FAM117A: variants seen among roughly 807,000 people sequenced by gnomAD.
FAM117A encodes the protein protein FAM117A.
FAM117A carries 21 observed loss-of-function variants against 44.1 expected under a neutral mutation model. That is an observed-to-expected ratio of 0.48 (90% CI 0.34 to 0.69). FAM117A has a LOEUF of 0.69. Ranked by LOEUF, FAM117A falls within the 30% of genes least tolerant of loss-of-function variation. The probability of loss-of-function intolerance (pLI) is 0.01; values close to 1 mark genes in which losing one functional copy is unlikely to be tolerated. For missense variants in FAM117A, 498 were observed against 589.9 expected, an observed-to-expected ratio of 0.84 and a Z score of 1.61; for synonymous variants, 220 against 238.3, an observed-to-expected ratio of 0.92 and a Z score of 0.71.
rs1223287141 is a variant in FAM117A at position 49,717,712 on chromosome 17, G to T, written c.711C>A (p.Ile237=). 6.2e-7 allele frequency: 1 copy of T among 1,601,390 alleles called. No homozygotes were observed. The highest frequency in any genetic ancestry group is 2.2e-5 in the East Asian group (1 of 44,700). Residue 237 remains isoleucine, a splice_region_variant and synonymous_variant, in exon 6 of 8, where the codon ATC becomes ATA. Transcript: ENST00000240364. ...KEQGEEELLR[I]LDIPDGHRAP... is the part of the protein sequence containing the mutation. ...CCCGGTGCCCATCAGGGATATCAAG[G>T]ATCTAACGGGGAAGGACGGTAAAGA...
At chr17:49,766,567 G>A (rs988588376), upstream of FAM117A, among the ~76,000 whole-genome samples, 16 of 152,206 alleles carry the variant, frequency 1.1e-4, no homozygotes, top group Non-Finnish European at 1.6e-4. Context: ...GGTCCTGCCT[G>A]AGAGGCAAAA....
chr17:49,788,744 T>C (rs2073840234), upstream of FAM117A: 1 of 1,430,576 alleles, frequency 7.0e-7, no homozygotes, highest in Non-Finnish European at 9.5e-7. Flanking sequence ...TTGGGACTGA[T>C]ACAGAGGCCG....
In FAM117A at chr17:49,777,732, C is replaced by T. The variant is rs1053912968; in HGVS notation, c.-621+10765G>A. On this transcript the variant is annotated intron_variant, in intron 1 of 7. Transcript: ENST00000513602. ...TGCTGGTTGCAGGGATTCTTGGGAC[C>T]GGGGCTAATGGCCTCCCTGCTGTGG... Among the ~76,000 whole-genome samples, 4 of 152,084 alleles carry T rather than the reference C, an allele frequency of 2.6e-5. No individual in the cohort carries two copies. The East Asian group carries it at 7.7e-4, about 29-fold the overall frequency.
chr17:49,734,160 G>T (rs76487971), intron 1 of FAM117A, among the ~76,000 whole-genome samples: 2 of 141,866 alleles, frequency 1.4e-5, no homozygotes, highest in African/African-American at 5.2e-5. Context: ...AAAAAAAAAA[G>T]ACCTATAAAG....
At chr17:49,713,051 T>C (rs1033282105) in intron 7 of FAM117A, among the ~76,000 whole-genome samples, 1 of 152,054 alleles carries the variant, frequency 6.6e-6, no homozygotes, top group Admixed American at 6.5e-5. Flanking sequence ...AATTTTATTA[T>C]TATTATTATT....
chr17:49,738,781 C>G (rs983908772), intron 1 of FAM117A, among the ~76,000 whole-genome samples: 6 of 152,106 alleles, frequency 3.9e-5, no homozygotes, highest in Non-Finnish European at 8.8e-5. Flanking sequence ...TCCTTTAAGC[C>G]TAGGAAATAA....
intron 1 of FAM117A, among the ~76,000 whole-genome samples, chr17:49,784,068 G>A (rs537278229): frequency 6.6e-6 from 1 of 152,316 alleles, no homozygotes; most frequent in East Asian, 1.9e-4. Flanking sequence ...TGGCCATCCA[G>A]GCAAGGCTCC....
At chr17:49,726,881 GA>G (rs2073562269) in intron 2 of FAM117A, among the ~76,000 whole-genome samples, 1 of 152,064 alleles carries the variant, frequency 6.6e-6, no homozygotes. Flanking sequence ...TAGGGAGGCT[GA>G]GGCAGGAGGA....
At chr17:49,755,979 C>T (rs1302967542) in intron 1 of FAM117A, among the ~76,000 whole-genome samples, 1 of 152,158 alleles carries the variant, frequency 6.6e-6, no homozygotes. Context: ...TGCACTTGAA[C>T]TTGAAACGTG....
chr17:49,783,441 T>C (rs2073796062), intron 1 of FAM117A, among the ~76,000 whole-genome samples: 1 of 152,120 alleles, frequency 6.6e-6, no homozygotes, highest in African/African-American at 2.4e-5. Flanking sequence ...AATGTGGTTA[T>C]TTGACTGTTT....
chr17:49,719,948 T>A lies in FAM117A; in HGVS notation c.574-54A>T. On this transcript the variant is annotated intron_variant, in intron 4 of 7. Transcript: ENST00000240364. ...ACACAGCCCCACCAGGCCTAGACAG[T>A]CTTTCATTCTGACCAGGGGTAATGG... 6 of 1,558,810 alleles carry A rather than the reference T, an allele frequency of 3.8e-6. No individual in the cohort carries two copies. The South Asian group carries it at 5.9e-5, about 15-fold the overall frequency.
chr17:49,726,945 C>T (rs118035610), intron 2 of FAM117A, among the ~76,000 whole-genome samples: 6,837 of 151,198 alleles, frequency 0.045, 223 homozygotes, highest in Admixed American at 0.095. Flanking sequence ...TACCACTGCA[C>T]TCCAGCCTGG....
intron 1 of FAM117A, among the ~76,000 whole-genome samples, chr17:49,779,983 G>T (rs1176710582): frequency 6.6e-6 from 1 of 152,212 alleles, no homozygotes; most frequent in Non-Finnish European, 1.5e-5. Context: ...TCTGAGATTG[G>T]ATTGGGCTCA....
chr17:49,775,508 T>A (rs2073773352), intron 1 of FAM117A, among the ~76,000 whole-genome samples: 1 of 152,234 alleles, frequency 6.6e-6, no homozygotes, highest in Admixed American at 6.5e-5. Context: ...TCCCACTTAG[T>A]AACTTAGTGG....
chr17:49,788,970 A>G, upstream of FAM117A: 1 of 927,018 alleles, frequency 1.1e-6, no homozygotes, highest in Non-Finnish European at 1.6e-6. Flanking sequence ...AACCTTGTTC[A>G]GCTACCCTCT....
intron 1 of FAM117A, among the ~76,000 whole-genome samples, chr17:49,762,635 G>C (rs1431593114): frequency 6.6e-6 from 1 of 152,170 alleles, no homozygotes; most frequent in African/African-American, 2.4e-5. Context: ...AACTAGGCTT[G>C]GTAATCATCA....
In FAM117A at chr17:49,736,964, T is replaced by C. The variant is rs368709820; in HGVS notation, c.197-4244A>G. 4.6e-5 allele frequency among the ~76,000 whole-genome samples: 7 copies of C among 152,338 alleles called. No homozygotes were observed. The East Asian group carries it at 5.8e-4, about 13-fold the overall frequency. On this transcript the variant is annotated intron_variant, in intron 1 of 7. Transcript: ENST00000240364. ...AATGTCTAAAGCATAGGGCTGGCAATTGGCAGGCATCTAATATTTGAATAA... is the reference window on the plus strand; with the variant it reads ...AATGTCTAAAGCATAGGGCTGGCAACTGGCAGGCATCTAATATTTGAATAA...
At chr17:49,751,279 C>CAAAAAAAAAA in intron 1 of FAM117A, among the ~76,000 whole-genome samples, 1 of 42,556 alleles carries the variant, frequency 2.3e-5, no homozygotes, top group South Asian at 7.0e-4. Flanking sequence ...AATCTGTCTC[C>CAAAAAAAAAA]AAAAAAAAAA....
At chr17:49,784,580 CTATT>C (rs2073799947) in intron 1 of FAM117A, among the ~76,000 whole-genome samples, 1 of 152,212 alleles carries the variant, frequency 6.6e-6, no homozygotes, top group Admixed American at 6.5e-5. Flanking sequence ...CACCTCTCTA[CTATT>C]GCACATTCTG....
Sources: gnomAD v4.1 joint callset for allele counts (sites outside exome capture counted in the v4.1 genomes callset) on GRCh38, gnomAD v4.1.1 for gene constraint, MANE v1.5 for transcripts, NCBI Gene and HGNC (gene_info 2026-07-23, HGNC 2026-07-21) for gene names.